NR5A2: variants seen among roughly 807,000 people sequenced by gnomAD.
The protein encoded by NR5A2 is nuclear receptor subfamily 5 group A member 2, also known as CYP7A promoter-binding factor.
Under a neutral mutation model 62.7 loss-of-function variants are expected in NR5A2, and 26 were observed. The observed-to-expected ratio is 0.41, with a 90% CI of 0.30 to 0.58. NR5A2 has a LOEUF of 0.58. Among genes scored for constraint, NR5A2 ranks in the 20% least tolerant of loss-of-function variants. The pLI is 0.22. For missense variants in NR5A2, 541 were observed against 669.1 expected, an observed-to-expected ratio of 0.81 and a Z score of 2.11; for synonymous variants, 246 against 241.7, an observed-to-expected ratio of 1.02 and a Z score of -0.16.
chr1:200,164,505 G>A (rs562502851), intron 7 of NR5A2, among the ~76,000 whole-genome samples: 47 of 150,614 alleles, frequency 3.1e-4, no homozygotes, highest in African/African-American at 1.1e-3. Context: ...TATGCACAAT[G>A]TAAAATTTAC....
rs760717541 is a variant in NR5A2 at position 200,111,273 on chromosome 1, A to G, written c.1182A>G (p.Gln394=). 6.2e-7 allele frequency: 1 copy of G among 1,612,948 alleles called. No individual in the cohort carries two copies. The highest frequency in any genetic ancestry group is 8.5e-7 in the Non-Finnish European group (1 of 1,179,676). ...TAATCCTCGACCACATTTACCGACA[A>G]GTGGTACATGGAAAGGAAGGATCCA... The part of the protein sequence containing the change: ...ELLILDHIYR[Q]VVHGKEGSIF... The change falls in exon 6 of 8, where the codon CAA becomes CAG. Residue 394 remains glutamine (Q), a synonymous_variant. Coordinates refer to ENST00000367362, the MANE Select transcript of NR5A2 (RefSeq NM_205860.3).
chr1:200,028,420 A>T (rs1041350679), intron 1 of NR5A2, among the ~76,000 whole-genome samples: 1 of 107,182 alleles, frequency 9.3e-6, no homozygotes, highest in Non-Finnish European at 1.8e-5. Flanking sequence ...TCATGCCCCC[A>T]CCTCCAAAAA....
chr1:200,052,704 C>T lies in NR5A2; in HGVS notation c.1110+3886C>T, dbSNP rs189199450. ...TCGCCCAGGTTGGAGTGCAGTGGTGCGATCTTGGCTCATTGCAAGCTCCGC... is the reference window on the plus strand; with the variant it reads ...TCGCCCAGGTTGGAGTGCAGTGGTGTGATCTTGGCTCATTGCAAGCTCCGC... On this transcript the variant is annotated intron_variant, in intron 5 of 7. Coordinates refer to ENST00000367362, the MANE Select transcript of NR5A2 (RefSeq NM_205860.3). Among the ~76,000 whole-genome samples, 421 of 151,624 alleles carry T rather than the reference C, an allele frequency of 2.8e-3. 4 individuals are homozygous for T. The highest frequency in any genetic ancestry group is 9.3e-3 in the African/African-American group (383 of 41,266).
At chr1:200,116,893 A>T (rs758197455) in intron 6 of NR5A2, among the ~76,000 whole-genome samples, 1 of 152,202 alleles carries the variant, frequency 6.6e-6, no homozygotes, top group Non-Finnish European at 1.5e-5. Context: ...GTATTTGCAT[A>T]TTGTTGCTAA....
At chr1:200,132,235 C>T (rs1666997408) in intron 7 of NR5A2, among the ~76,000 whole-genome samples, 2 of 152,250 alleles carry the variant, frequency 1.3e-5, no homozygotes, top group African/African-American at 2.4e-5. Flanking sequence ...GTCTCAAACT[C>T]CTGACCTCAA....
At chr1:200,167,752 G>A (rs922214581) in intron 7 of NR5A2, among the ~76,000 whole-genome samples, 2 of 152,128 alleles carry the variant, frequency 1.3e-5, no homozygotes, top group African/African-American at 2.4e-5. Flanking sequence ...GTTTAACAGT[G>A]TACCAAAGAC....
At chr1:200,030,754 ATTT>A (rs1661519530) in intron 1 of NR5A2, among the ~76,000 whole-genome samples, 1 of 152,238 alleles carries the variant, frequency 6.6e-6, no homozygotes, top group East Asian at 1.9e-4. Context: ...AATTAACTGC[ATTT>A]GCAGAATATT....
chr1:200,153,700 G>A (rs1029308981), intron 7 of NR5A2, among the ~76,000 whole-genome samples: 12 of 151,988 alleles, frequency 7.9e-5, no homozygotes, highest in African/African-American at 2.9e-4. Context: ...AGCAGGAATT[G>A]AAAATGTACT....
intron 7 of NR5A2, among the ~76,000 whole-genome samples, chr1:200,127,608 C>T (rs7522937): frequency 0.42 from 59,541 of 140,736 alleles, 12,548 homozygotes; most frequent in Admixed American, 0.46. Flanking sequence ...ACCCAGGGGG[C>T]GGAGGTTGCA....
intron 5 of NR5A2, among the ~76,000 whole-genome samples, chr1:200,075,968 T>C (rs920779116): frequency 6.6e-6 from 1 of 152,228 alleles, no homozygotes; most frequent in Non-Finnish European, 1.5e-5. Context: ...TATTCTGTTC[T>C]CTTGATTTTA....
rs201214610 is a variant in NR5A2 at position 200,048,508 on chromosome 1, G to A, written c.800G>A (p.Arg267Gln). ...GYQTYGHFPS[R>Q]AIKSEYPDPY... ...CAAACATATGGCCACTTTCCTAGCC[G>A]GGCCATCAAGTCTGAGTACCCAGAC... The change falls in exon 5 of 8, where the codon CGG (arginine) becomes CAG (glutamine). Residue 267 changes from arginine to glutamine, a missense_variant. Physicochemically the swap from Arg to Gln is conservative, Grantham distance 43. Around this residue, in one of 3 missense-constraint regions of NR5A2, gnomAD observed 379 missense variants for 442.0 expected, o/e 0.86. Coordinates refer to ENST00000367362, the MANE Select transcript of NR5A2 (RefSeq NM_205860.3). The surrounding 1 kb of genome is among the most constrained non-coding windows in gnomAD (Gnocchi z 4.8). 109 of 1,614,020 alleles carry A rather than the reference G, an allele frequency of 6.8e-5. No individual in the cohort carries two copies. The highest frequency in any genetic ancestry group is 3.1e-4 in the East Asian group (14 of 44,894).
intron 7 of NR5A2, among the ~76,000 whole-genome samples, chr1:200,153,738 GTACT>G (rs912909649): frequency 1.1e-4 from 16 of 152,020 alleles, no homozygotes; most frequent in East Asian, 5.8e-4. Context: ...GTATGAGCAA[GTACT>G]TACTTTGTTT....
chr1:200,059,916 C>T (rs1186651562), intron 5 of NR5A2, among the ~76,000 whole-genome samples: 1 of 152,088 alleles, frequency 6.6e-6, no homozygotes, highest in Non-Finnish European at 1.5e-5. Flanking sequence ...CCCAAGAAAA[C>T]CACCCACAGC....
chr1:200,068,722 C>A (rs971570449), intron 5 of NR5A2, among the ~76,000 whole-genome samples: 1 of 152,156 alleles, frequency 6.6e-6, no homozygotes, highest in Non-Finnish European at 1.5e-5. Flanking sequence ...CAAGTAAAGG[C>A]TGCTGAAGCT....
chr1:200,098,592 T>C (rs1571471112), intron 5 of NR5A2, among the ~76,000 whole-genome samples: 2 of 151,204 alleles, frequency 1.3e-5, no homozygotes, highest in Non-Finnish European at 2.9e-5. Context: ...GGCACCTGAG[T>C]AGCCTTATAT....
chr1:200,104,127 G>T (rs1349081954), intron 5 of NR5A2, among the ~76,000 whole-genome samples: 1 of 152,138 alleles, frequency 6.6e-6, no homozygotes, highest in Non-Finnish European at 1.5e-5. Context: ...TGATAGATAG[G>T]ACTTTGTATT....
At chr1:200,103,892 TAAAAC>T (rs989826215) in intron 5 of NR5A2, among the ~76,000 whole-genome samples, 4 of 152,146 alleles carry the variant, frequency 2.6e-5, no homozygotes, top group Non-Finnish European at 5.9e-5. Context: ...CTGTATATGA[TAAAAC>T]AGAACAAGAG....
intron 7 of NR5A2, among the ~76,000 whole-genome samples, chr1:200,142,320 C>T (rs1667481990): frequency 6.7e-6 from 1 of 150,076 alleles, no homozygotes; most frequent in African/African-American, 2.5e-5. Context: ...CTGCCTCAGC[C>T]TCCTGAGTAG....
At chr1:200,027,937 A>G in intron 1 of NR5A2, 26 bp downstream of exon 1, 1 of 1,507,414 alleles carries the variant, frequency 6.6e-7, no homozygotes. Flanking sequence ...TCTATTGATC[A>G]TCTATTTATT....
Sources: allele counts gnomAD v4.1 joint callset (sites outside exome capture counted in the v4.1 genomes callset), GRCh38; gene constraint gnomAD v4.1.1; regional missense constraint gnomAD v4.1.1; non-coding constraint Gnocchi (gnomAD v3.1); transcripts MANE v1.5; gene names NCBI Gene and HGNC (gene_info 2026-07-23, HGNC 2026-07-21).